NF2: variants seen among roughly 807,000 people sequenced by gnomAD.
NF2 encodes NF2, moesin-ezrin-radixin like (MERLIN) tumor suppressor, also known as merlin.
NF2 carries 8 observed loss-of-function variants against 83.7 expected under a neutral mutation model. That is an observed-to-expected ratio of 0.10 (90% CI 0.06 to 0.17). NF2 has a LOEUF of 0.17. Ranked by LOEUF, NF2 falls within the 10% of genes least tolerant of loss-of-function variation. The pLI is 1.00. For missense variants in NF2, 533 were observed against 744.4 expected, an observed-to-expected ratio of 0.72 and a Z score of 3.31; for synonymous variants, 266 against 269.6, an observed-to-expected ratio of 0.99 and a Z score of 0.13.
At chr22:29,689,282 G>C (rs1476662765) in intron 15 of NF2, among the ~76,000 whole-genome samples, 1 of 151,826 alleles carries the variant, frequency 6.6e-6, no homozygotes, top group Non-Finnish European at 1.5e-5. Flanking sequence ...TTATTTGGAA[G>C]GGGGAAGGTT....
intron 15 of NF2, among the ~76,000 whole-genome samples, chr22:29,691,259 G>T (rs904798260): frequency 2.0e-5 from 3 of 152,196 alleles, no homozygotes; most frequent in African/African-American, 7.2e-5. Context: ...GCCAAAGGGA[G>T]CATGGACATT....
chr22:29,627,985 C>G (rs1337398398), intron 1 of NF2, among the ~76,000 whole-genome samples: 4 of 152,192 alleles, frequency 2.6e-5, no homozygotes, highest in Admixed American at 2.0e-4. Context: ...TAAATTCTTG[C>G]TTCATTGCAA....
intron 1 of NF2, among the ~76,000 whole-genome samples, chr22:29,610,621 G>A (rs2064926608): frequency 6.6e-6 from 1 of 150,610 alleles, no homozygotes; most frequent in Non-Finnish European, 1.5e-5. Context: ...TCCAGCCTGG[G>A]TGACAAAGTG....
Position 29,636,781 on chromosome 22 carries a change from T to A in NF2, c.145T>A (p.Leu49Met), listed in dbSNP as rs759129920. The change falls in exon 2 of 16, where the codon TTG becomes ATG. Residue 49 changes from leucine to methionine, a missense_variant. Leu to Met is a conservative substitution (Grantham distance 15, BLOSUM62 2). This residue lies in a region of NF2 where 326 missense variants were observed against 475.1 expected (regional missense o/e 0.69). Transcript: ENST00000338641. The surrounding 1 kb of genome is among the most constrained non-coding windows in gnomAD (Gnocchi z 4.4). ...GTGGAAAGGGAAGGACCTCTTTGAT[T>A]TGGTGTGCCGGACTCTGGGGCTCCG... The part of the protein sequence containing the change: ...MKWKGKDLFD[L>M]VCRTLGLRET... 2 of 1,614,178 alleles carry A rather than the reference T, an allele frequency of 1.2e-6. No homozygotes were observed. Among genetic ancestry groups the A allele is most frequent in the South Asian group, 1.1e-5 (1 of 91,074 alleles).
chr22:29,642,882 A>G (rs1433975522), intron 4 of NF2, among the ~76,000 whole-genome samples: 1 of 152,078 alleles, frequency 6.6e-6, no homozygotes, highest in Non-Finnish European at 1.5e-5. Flanking sequence ...TAAGCACTGC[A>G]GGTGCTGTGG....
At chr22:29,639,581 C>G (rs1380168632) in intron 3 of NF2, among the ~76,000 whole-genome samples, 1 of 152,154 alleles carries the variant, frequency 6.6e-6, no homozygotes, top group Non-Finnish European at 1.5e-5. Flanking sequence ...AGTTTAAAAT[C>G]TGCTCTCATT....
intron 15 of NF2, among the ~76,000 whole-genome samples, chr22:29,685,668 C>T (rs562446112): frequency 2.0e-5 from 3 of 152,304 alleles, no homozygotes; most frequent in East Asian, 1.9e-4. Flanking sequence ...GCCACAGCCT[C>T]CCAAAATGCT....
At chr22:29,664,913 C>T (rs1052494549) in intron 8 of NF2, 77 bp from the exon 9 acceptor site, 40 of 1,036,056 alleles carry the variant, frequency 3.9e-5, no homozygotes, top group Non-Finnish European at 4.8e-5. Context: ...AGTGTGGTTG[C>T]GCATTTGTGG....
chr22:29,616,745 G>GAA (rs76401799), intron 1 of NF2, among the ~76,000 whole-genome samples: 3 of 85,682 alleles, frequency 3.5e-5, no homozygotes. Context: ...TCCGTCTCAA[G>GAA]AAAAAAAAAA....
rs552712220 is a variant in NF2 at position 29,620,781 on chromosome 22, A to G, written c.115-15970A>G. ...ACGTTGGTTGCTCAGGCTGGTCTCAAACTCCTGTGCTCAAGGGATCCTCCT... is the reference window on the plus strand; with the variant it reads ...ACGTTGGTTGCTCAGGCTGGTCTCAGACTCCTGTGCTCAAGGGATCCTCCT... On this transcript the variant is annotated intron_variant, in intron 1 of 15. Transcript: ENST00000338641. Among the ~76,000 whole-genome samples the G allele has an allele frequency of 7.2e-5, 11 of 151,886 alleles. No individual in the cohort carries two copies. The South Asian group carries it at 2.1e-3, about 29-fold the overall frequency.
At chr22:29,643,292 A>AT (rs1194773468) in intron 4 of NF2, among the ~76,000 whole-genome samples, 6,546 of 137,802 alleles carry the variant, frequency 0.048, 411 homozygotes, top group African/African-American at 0.15. Flanking sequence ...TACTTGTGTG[A>AT]TTTTTTTTTT....
chr22:29,678,053 TG>T, intron 13 of NF2, 142 bp from the exon 14 acceptor site: 2 of 963,134 alleles, frequency 2.1e-6, no homozygotes, highest in Non-Finnish European at 3.4e-6. Flanking sequence ...AGTGGAGGGA[TG>T]GGGACTCGTG....
At chr22:29,607,431 C>G (rs781372846) in intron 1 of NF2, among the ~76,000 whole-genome samples, 3 of 152,214 alleles carry the variant, frequency 2.0e-5, no homozygotes, top group Non-Finnish European at 4.4e-5. Context: ...CCCAAAGCTG[C>G]ACCTCCCTGA....
At chr22:29,670,417 G>T (rs956771445) in intron 10 of NF2, among the ~76,000 whole-genome samples, 1 of 151,758 alleles carries the variant, frequency 6.6e-6, no homozygotes, top group Non-Finnish European at 1.5e-5. Context: ...GAACAAATTG[G>T]CCAAGCTTTT....
chr22:29,671,465 G>C lies in NF2; in HGVS notation c.1000-361G>C, dbSNP rs955243962. ...AATTGATTGAACCTGGGAGGCGGAG[G>C]TTGCAGTGAGCCGAGATCGCGCCAC... is the stretch of plus-strand genomic sequence containing the variant. On this transcript the variant is annotated intron_variant, in intron 10 of 15. Coordinates refer to ENST00000338641, the MANE Select transcript of NF2 (RefSeq NM_000268.4). 5.1e-4 allele frequency among the ~76,000 whole-genome samples: 77 copies of C among 152,214 alleles called. 1 individual carries two copies. The highest frequency in any genetic ancestry group is 1.0e-4 in the Non-Finnish European group (7 of 68,014).
At position 29,696,454 on chromosome 22, in the gene NF2, G is replaced by T. The variant is rs751068883; in HGVS notation, c.*1652G>T. ...GGTGATTTGTCTTAATCAGATAAAA[G>T]ATAGAGGCTATGGGGGCCTCAAGAT... On this transcript the variant is annotated 3_prime_UTR_variant, in exon 16 of 16. Transcript: ENST00000338641. The T allele has an allele frequency of 2.3e-4, 50 of 221,244 alleles. No individual in the cohort carries two copies. Among genetic ancestry groups the T allele is most frequent in the Non-Finnish European group, 4.3e-4 (47 of 110,438 alleles). 13.7% of individuals were successfully genotyped at this position (221,244 alleles called of 1,614,324 possible). A position where few individuals can be genotyped will look rare whatever the true frequency, so the allele number is the denominator to read the frequency against.
chr22:29,692,432 C>T (rs2067431966), intron 15 of NF2, among the ~76,000 whole-genome samples: 1 of 152,238 alleles, frequency 6.6e-6, no homozygotes, highest in Admixed American at 6.5e-5. Context: ...CTAATAAGCA[C>T]ATGCTCGAGT....
intron 1 of NF2, among the ~76,000 whole-genome samples, chr22:29,616,919 T>C (rs549614823): frequency 6.6e-6 from 1 of 151,868 alleles, no homozygotes; most frequent in Admixed American, 6.6e-5. Context: ...AGGAAAGGGA[T>C]TTTAGTTTTT....
chr22:29,611,355 T>C (rs1165733308), intron 1 of NF2, among the ~76,000 whole-genome samples: 3 of 151,448 alleles, frequency 2.0e-5, no homozygotes, highest in Non-Finnish European at 4.4e-5. Flanking sequence ...AAACCCTGTC[T>C]CTACTACAAA....
Sources: allele counts gnomAD v4.1 joint callset (sites outside exome capture counted in the v4.1 genomes callset), GRCh38; gene constraint gnomAD v4.1.1; regional missense constraint gnomAD v4.1.1; non-coding constraint Gnocchi (gnomAD v3.1); transcripts MANE v1.5; gene names NCBI Gene and HGNC (gene_info 2026-07-23, HGNC 2026-07-21).